Variants in PTPRD observed in about 807,000 individuals in gnomAD.
PTPRD encodes the protein protein tyrosine phosphatase receptor type D, also known as receptor-type tyrosine-protein phosphatase delta.
A neutral mutation model predicts 214.5 loss-of-function variants in PTPRD; 34 were observed. That is an observed-to-expected ratio of 0.16 (90% confidence interval 0.12 to 0.21). The LOEUF (loss-of-function observed/expected upper bound fraction) is 0.21, where lower values mean the gene tolerates loss of function less well. Among genes scored for constraint, PTPRD ranks in the 10% least tolerant of loss-of-function variants. PTPRD has a pLI of 1.00. For missense variants in PTPRD, 2,545 were observed against 2,398.7 expected (o/e 1.06, Z -1.27); for synonymous variants, 1,128 against 845.7 (o/e 1.33, Z -5.79).
chr9:9,457,140 A>AAG (rs2093123280), intron 8 of PTPRD, among the ~76,000 whole-genome samples: 1 of 151,950 alleles, frequency 6.6e-6, no homozygotes, highest in Non-Finnish European at 1.5e-5. Context: ...AGTACAAGGG[A>AAG]GCAAAGGAAG....
At chr9:10,256,506 G>C (rs1310385143) in intron 3 of PTPRD, among the ~76,000 whole-genome samples, 1 of 151,988 alleles carries the variant, frequency 6.6e-6, no homozygotes, top group African/African-American at 2.4e-5. Flanking sequence ...GGGACCATTG[G>C]GGTATATGTG....
At chr9:10,034,004 A>G (rs2097131270) in intron 3 of PTPRD, among the ~76,000 whole-genome samples, 10 of 152,134 alleles carry the variant, frequency 6.6e-5, no homozygotes, top group Admixed American at 6.6e-4. Context: ...ATATTTAAAG[A>G]ATATACAGAA....
chr9:8,721,402 T>G (rs2098495990), intron 12 of PTPRD, among the ~76,000 whole-genome samples: 2 of 147,404 alleles, frequency 1.4e-5, no homozygotes, highest in South Asian at 4.3e-4. Context: ...TGCACTCCAG[T>G]CTGGACGACT....
intron 11 of PTPRD, among the ~76,000 whole-genome samples, chr9:8,973,753 C>T (rs551193400): frequency 6.6e-6 from 1 of 152,190 alleles, no homozygotes; most frequent in East Asian, 1.9e-4. Flanking sequence ...TAATAATCAC[C>T]ATTCTGAGTG....
At chr9:10,202,671 G>GATATATATATATAT (rs77962535) in intron 3 of PTPRD, among the ~76,000 whole-genome samples, 3,161 of 112,798 alleles carry the variant, frequency 0.028, 113 homozygotes, top group East Asian at 0.057. Context: ...AAATTATATG[G>GATATATATATATAT]ATATATATAT....
At chr9:9,487,763 T>C (rs774045807) in intron 8 of PTPRD, among the ~76,000 whole-genome samples, 2 of 152,158 alleles carry the variant, frequency 1.3e-5, no homozygotes, top group Non-Finnish European at 2.9e-5. Context: ...TTCTTTACAA[T>C]ATATACACTT....
intron 8 of PTPRD, among the ~76,000 whole-genome samples, chr9:9,444,606 A>T (rs2089685842): frequency 2.6e-5 from 4 of 152,174 alleles, no homozygotes; most frequent in Admixed American, 2.6e-4. Context: ...GAGATAGTCA[A>T]TATTCTTGGC....
rs1162698970 is a variant in PTPRD, at chr9:10,090,919, TACACACACACACACAC to T, written c.-544-57145_-544-57130del. Among the ~76,000 whole-genome samples, 42 of 99,678 alleles carry T rather than the reference TACACACACACACACAC, an allele frequency of 4.2e-4. 1 individual carries two copies. The highest frequency in any genetic ancestry group is 1.5e-3 in the African/African-American group (40 of 27,386). The allele number at this position is 99,678 out of a possible 152,430, so 65.4% of individuals were successfully genotyped here. ...GACATTTGTGTATATAAATGAAATA[TACACACACACACACAC>T]ACACACACACACACACACACACACA... On this transcript the variant is annotated intron_variant, in intron 3 of 45. Transcript: ENST00000381196.
At chr9:9,608,242 T>C (rs71497147) in intron 7 of PTPRD, among the ~76,000 whole-genome samples, 2 of 152,202 alleles carry the variant, frequency 1.3e-5, no homozygotes, top group African/African-American at 4.8e-5. Context: ...ACTACTACTG[T>C]TATTGCTGTT....
chr9:9,157,492 T>C (rs1466523337), intron 10 of PTPRD, among the ~76,000 whole-genome samples: 2 of 152,148 alleles, frequency 1.3e-5, no homozygotes, highest in Admixed American at 1.3e-4. Context: ...TGAACAACTG[T>C]ATGTCAAAAA....
intron 13 of PTPRD, among the ~76,000 whole-genome samples, chr9:8,634,233 T>C (rs1446848190): frequency 6.7e-6 from 1 of 149,804 alleles, no homozygotes; most frequent in Non-Finnish European, 1.5e-5. Context: ...CTAATTCAAG[T>C]ACCACTTAAA....
chr9:9,170,946 C>A (rs1260921046), intron 10 of PTPRD, among the ~76,000 whole-genome samples: 1 of 152,126 alleles, frequency 6.6e-6, no homozygotes, highest in East Asian at 1.9e-4. Context: ...GACTGTGGTG[C>A]TTTCAAACGA....
At chr9:9,398,934 T>C (rs936879885) in intron 8 of PTPRD, among the ~76,000 whole-genome samples, 2 of 152,028 alleles carry the variant, frequency 1.3e-5, no homozygotes, top group Non-Finnish European at 2.9e-5. Flanking sequence ...CCTAGCCAAC[T>C]ATGCTAGATC....
intron 15 of PTPRD, 38 bp from the exon 16 acceptor site, chr9:8,527,391 A>C (rs1188707871): frequency 6.3e-7 from 1 of 1,588,776 alleles, no homozygotes; most frequent in Non-Finnish European, 8.6e-7. Flanking sequence ...AGACAGCATA[A>C]AAATATTATT....
chr9:10,584,455 T>C (rs1031986117), intron 2 of PTPRD, among the ~76,000 whole-genome samples: 1 of 152,184 alleles, frequency 6.6e-6, no homozygotes, highest in African/African-American at 2.4e-5. Flanking sequence ...CCTACTTTGG[T>C]GCTGCAAGTA....
chr9:9,424,563 T>A (rs543591189), intron 8 of PTPRD, among the ~76,000 whole-genome samples: 1 of 152,122 alleles, frequency 6.6e-6, no homozygotes, highest in Admixed American at 6.6e-5. Flanking sequence ...ATTACAAAGA[T>A]AATAGAATCA....
At chr9:9,811,467 G>A (rs1316913103) in intron 5 of PTPRD, among the ~76,000 whole-genome samples, 2 of 152,266 alleles carry the variant, frequency 1.3e-5, no homozygotes, top group East Asian at 3.9e-4. Flanking sequence ...CAGCACTTTG[G>A]GAGGCCGAGG....
chr9:8,358,921 C>A (rs914449197), intron 39 of PTPRD, among the ~76,000 whole-genome samples: 1 of 150,892 alleles, frequency 6.6e-6, no homozygotes, highest in African/African-American at 2.4e-5. Context: ...TCCTGGCTAA[C>A]ACGGTGAAAC....
intron 36 of PTPRD, among the ~76,000 whole-genome samples, chr9:8,391,390 C>A (rs982695543): frequency 6.6e-6 from 1 of 152,152 alleles, no homozygotes; most frequent in Admixed American, 6.5e-5. Flanking sequence ...TAACATTATT[C>A]ATCTATTACA....
Sources: gnomAD v4.1 joint callset for allele counts (sites outside exome capture counted in the v4.1 genomes callset) on GRCh38, gnomAD v4.1.1 for gene constraint, MANE v1.5 for transcripts, NCBI Gene and HGNC (gene_info 2026-07-23, HGNC 2026-07-21) for gene names.